The following PTPRT variants were observed in gnomAD, a reference collection of about 807,000 sequenced individuals.
PTPRT encodes the protein receptor-type tyrosine-protein phosphatase T.
Under a neutral mutation model 176.8 loss-of-function variants are expected in PTPRT, and 56 were observed. The observed-to-expected ratio is 0.32, with a 90% CI of 0.26 to 0.40. The LOEUF (loss-of-function observed/expected upper bound fraction) is 0.40, where lower values mean the gene tolerates loss of function less well. Ranked by LOEUF, PTPRT falls within the 10% of genes least tolerant of loss-of-function variation. PTPRT has a pLI of 1.00. For synonymous variants in PTPRT, 783 were observed against 739.0 expected, an observed-to-expected ratio of 1.06 and a Z score of -0.96; for missense variants, 1,540 against 1,908.2, an observed-to-expected ratio of 0.81 and a Z score of 3.60.
intron 1 of PTPRT, among the ~76,000 whole-genome samples, chr20:43,179,172 A>T (rs1205873963): frequency 1.3e-5 from 2 of 152,226 alleles, no homozygotes; most frequent in Non-Finnish European, 1.5e-5. Flanking sequence ...CCCTAAACAC[A>T]GTTACCTTGA....
intron 2 of PTPRT, among the ~76,000 whole-genome samples, chr20:42,844,798 G>C (rs966109455): frequency 2.0e-5 from 3 of 152,144 alleles, no homozygotes; most frequent in African/African-American, 7.2e-5. Flanking sequence ...CCCTGTTTTG[G>C]GTCAGACCCC....
At chr20:42,362,937 C>G (rs1442485386) in intron 9 of PTPRT, among the ~76,000 whole-genome samples, 2 of 151,554 alleles carry the variant, frequency 1.3e-5, no homozygotes, top group African/African-American at 4.9e-5. Context: ...GAAACCCCGT[C>G]TCCAATAAAA....
At chr20:42,863,808 G>C (rs1254773102) in intron 2 of PTPRT, among the ~76,000 whole-genome samples, 1 of 152,212 alleles carries the variant, frequency 6.6e-6, no homozygotes, top group African/African-American at 2.4e-5. Context: ...ACCATGAAAA[G>C]CCCCAGATCT....
intron 7 of PTPRT, among the ~76,000 whole-genome samples, chr20:42,541,823 AAAAATTTTAAATTTAAAATT>A (rs1373013606): frequency 2.0e-5 from 3 of 146,692 alleles, no homozygotes; most frequent in East Asian, 1.9e-4. Flanking sequence ...TAAAATTTTA[AAAAATTTTAAATTTAAAATT>A]AAAATTTTAA....
At chr20:43,155,948 C>T (rs2146430697) in intron 1 of PTPRT, among the ~76,000 whole-genome samples, 1 of 152,310 alleles carries the variant, frequency 6.6e-6, no homozygotes, top group Admixed American at 6.5e-5. Context: ...TTGTTCAGTT[C>T]CTCTCTTTTT....
At chr20:42,161,921 C>A (rs940820784) in intron 16 of PTPRT, among the ~76,000 whole-genome samples, 3 of 152,130 alleles carry the variant, frequency 2.0e-5, no homozygotes, top group African/African-American at 7.2e-5. Flanking sequence ...GGAAATAGTG[C>A]CTGATGCCTG....
intron 9 of PTPRT, among the ~76,000 whole-genome samples, chr20:42,430,158 G>A (rs907662680): frequency 3.9e-5 from 6 of 152,236 alleles, no homozygotes; most frequent in East Asian, 1.9e-4. Flanking sequence ...AGGTCCCCAC[G>A]GTCCACGGTC....
chr20:42,174,147 A>G (rs1215881135), intron 16 of PTPRT, among the ~76,000 whole-genome samples: 1 of 152,224 alleles, frequency 6.6e-6, no homozygotes, highest in African/African-American at 2.4e-5. Flanking sequence ...TCATGCTTTC[A>G]GTAAGAAGTT....
At chr20:42,099,878 G>A (rs1342784139) in intron 26 of PTPRT, among the ~76,000 whole-genome samples, 1 of 152,220 alleles carries the variant, frequency 6.6e-6, no homozygotes, top group Admixed American at 6.5e-5. Flanking sequence ...AGAGGGGTCT[G>A]GGTGGGCATA....
intron 27 of PTPRT, among the ~76,000 whole-genome samples, chr20:42,096,790 G>A (rs981863197): frequency 5.9e-5 from 8 of 134,688 alleles, no homozygotes; most frequent in African/African-American, 2.2e-4. Flanking sequence ...TGTAGAGACA[G>A]GGTCTCATGG....
At chr20:43,041,055 T>C (rs931816968) in intron 1 of PTPRT, among the ~76,000 whole-genome samples, 1 of 152,204 alleles carries the variant, frequency 6.6e-6, no homozygotes, top group African/African-American at 2.4e-5. Flanking sequence ...ACTCCATGCA[T>C]AGAGCCCAGC....
chr20:42,134,642 C>G (rs578062076), intron 18 of PTPRT, among the ~76,000 whole-genome samples: 6 of 152,168 alleles, frequency 3.9e-5, no homozygotes, highest in Non-Finnish European at 8.8e-5. Flanking sequence ...AAATGTTTAA[C>G]ATACAGCTCC....
chr20:42,948,790 T>C (rs1387854239), intron 1 of PTPRT, among the ~76,000 whole-genome samples: 1 of 152,196 alleles, frequency 6.6e-6, no homozygotes, highest in African/African-American at 2.4e-5. Flanking sequence ...TTGGAGTCTA[T>C]CATGGATAAC....
At chr20:43,136,851 G>A (rs1007257233) in intron 1 of PTPRT, among the ~76,000 whole-genome samples, 5 of 152,074 alleles carry the variant, frequency 3.3e-5, no homozygotes, top group African/African-American at 7.2e-5. Flanking sequence ...CTCCAGCTGC[G>A]GACATTTTTA....
At chr20:42,274,398 C>G (rs2056990744) in intron 13 of PTPRT, among the ~76,000 whole-genome samples, 1 of 152,142 alleles carries the variant, frequency 6.6e-6, no homozygotes, top group African/African-American at 2.4e-5. Context: ...GTTATGTTAG[C>G]AAAGCCTAGC....
chr20:42,045,288 G>A, the PTPRT span, among the ~76,000 whole-genome samples: 10 of 151,982 alleles, frequency 6.6e-5, no homozygotes, highest in Non-Finnish European at 1.3e-4. Context: ...GACCATCACA[G>A]TGATTGCAAG....
At chr20:42,664,638 T>G (rs1020038032) in intron 7 of PTPRT, among the ~76,000 whole-genome samples, 14 of 152,310 alleles carry the variant, frequency 9.2e-5, no homozygotes, top group African/African-American at 3.4e-4. Flanking sequence ...TTCATATAAA[T>G]TTTTTATTTT....
At chr20:42,934,974 G>C (rs1298111076) in intron 1 of PTPRT, among the ~76,000 whole-genome samples, 1 of 151,102 alleles carries the variant, frequency 6.6e-6, no homozygotes, top group Non-Finnish European at 1.5e-5. Context: ...CTATTCAGGA[G>C]GCTGAGGCAA....
chr20:43,030,067 C>G (rs1287892236), intron 1 of PTPRT, among the ~76,000 whole-genome samples: 2 of 152,196 alleles, frequency 1.3e-5, no homozygotes, highest in Admixed American at 6.5e-5. Flanking sequence ...CATAATCTAG[C>G]CTATCCTAAC....
Sources: allele counts gnomAD v4.1 joint callset (sites outside exome capture counted in the v4.1 genomes callset), GRCh38; gene constraint gnomAD v4.1.1; transcripts MANE v1.5; gene names NCBI Gene and HGNC (gene_info 2026-07-23, HGNC 2026-07-21).